Variants in LIFR observed in about 807,000 individuals in gnomAD.
LIFR encodes LIF receptor subunit alpha, also known as leukemia inhibitory factor receptor.
Under a neutral mutation model 122.2 loss-of-function variants are expected in LIFR, and 84 were observed. The observed-to-expected ratio is 0.69, with a 90% confidence interval of 0.58 to 0.82. LIFR has a LOEUF of 0.82. Ranked by LOEUF, LIFR falls within the 40% of genes least tolerant of loss-of-function variation. The pLI is 0.00. For synonymous variants in LIFR, 422 were observed against 434.7 expected (o/e 0.97, Z 0.36); for missense variants, 1,294 against 1,311.6 (o/e 0.99, Z 0.21).
At chr5:38,554,507 G>C (rs868212004) in intron 1 of LIFR, among the ~76,000 whole-genome samples, 5 of 152,118 alleles carry the variant, frequency 3.3e-5, no homozygotes, top group South Asian at 2.1e-4. Context: ...ATAAATTATG[G>C]TCCATCCCTA....
rs774759940 is a variant in LIFR at position 38,496,553 on chromosome 5, T to C, written c.1714A>G (p.Asn572Asp). ...NEANGKILSY[N>D]VSCSSDEETQ... ...TCCTCATCTGATGAACACGATACAT[T>C]GTAGGAAAGTATTTTTCCATTAGCT... Residue 572 changes from asparagine (N) to aspartate (D), a missense_variant, in exon 13 of 20, where the codon AAT (asparagine) becomes GAT (aspartate). Physicochemically the swap from Asn to Asp is conservative, Grantham distance 23. Transcript: ENST00000453190. 3.2e-5 allele frequency: 52 copies of C among 1,613,756 alleles called. No individual in the cohort carries two copies. Among genetic ancestry groups the C allele is most frequent in the Non-Finnish European group, 4.2e-5 (50 of 1,179,756 alleles).
chr5:38,605,305 G>C (rs1750306366), intron 2 of LIFR, among the ~76,000 whole-genome samples: 1 of 152,144 alleles, frequency 6.6e-6, no homozygotes, highest in Non-Finnish European at 1.5e-5. Context: ...ACCACATAGA[G>C]ACTAAGAGCA....
chr5:38,520,545 T>C (rs1277085326), intron 5 of LIFR, among the ~76,000 whole-genome samples: 2 of 152,194 alleles, frequency 1.3e-5, no homozygotes, highest in African/African-American at 4.8e-5. Context: ...CCTATAGTAT[T>C]TTCCCCATGT....
intron 16 of LIFR, 63 bp from the exon 17 acceptor site, chr5:38,486,043 A>C: frequency 6.8e-7 from 1 of 1,474,492 alleles, no homozygotes. Context: ...ATGGTTACCC[A>C]CACCTGTCTC....
chr5:38,534,588 C>A (rs1189652878), intron 1 of LIFR, among the ~76,000 whole-genome samples: 2 of 152,140 alleles, frequency 1.3e-5, no homozygotes, highest in Non-Finnish European at 2.9e-5. Flanking sequence ...TAACCCAGCA[C>A]AAGGAATCTG....
At chr5:38,605,698 A>T (rs3099116) in intron 2 of LIFR, among the ~76,000 whole-genome samples, 37,954 of 152,074 alleles carry the variant, frequency 0.25, 5,205 homozygotes, top group African/African-American at 0.35. Flanking sequence ...TGGACAAAGG[A>T]CAGACAGAAC....
chr5:38,526,083 T>C (rs2112554531), intron 4 of LIFR, among the ~76,000 whole-genome samples: 1 of 152,318 alleles, frequency 6.6e-6, no homozygotes, highest in Non-Finnish European at 1.5e-5. Flanking sequence ...ATAGGGAAGT[T>C]TCCCCTAAGC....
chr5:38,578,307 A>T (rs867422111), intron 1 of LIFR, among the ~76,000 whole-genome samples: 3 of 145,530 alleles, frequency 2.1e-5, no homozygotes, highest in Admixed American at 7.2e-5. Context: ...CCCGGTTTCA[A>T]GTGATTCCCC....
In LIFR at chr5:38,478,276, C is replaced by G. The variant is rs980376451; in HGVS notation, c.*3319G>C. On this transcript the variant is annotated 3_prime_UTR_variant, in exon 20 of 20. Transcript: ENST00000453190. ...CACAGTTTCTGAGAGTGTAATAGTA[C>G]TAAATGTTCTAAATGTAATCTTTCA... 9.7e-6 allele frequency: 2 copies of G among 205,604 alleles called. No individual in the cohort carries two copies. The highest frequency in any genetic ancestry group is 4.6e-5 in the African/African-American group (2 of 43,762). 12.7% of individuals were successfully genotyped at this position (205,604 alleles called of 1,614,324 possible).
intron 13 of LIFR, among the ~76,000 whole-genome samples, chr5:38,495,025 A>G (rs1013694257): frequency 3.3e-5 from 5 of 152,238 alleles, no homozygotes; most frequent in Admixed American, 3.3e-4. Flanking sequence ...AGAATAGAGA[A>G]CACTTCGGAC....
intron 1 of LIFR, among the ~76,000 whole-genome samples, chr5:38,566,265 A>G (rs1270681610): frequency 6.6e-6 from 1 of 152,254 alleles, no homozygotes; most frequent in Non-Finnish European, 1.5e-5. Flanking sequence ...CCTAAAAGAT[A>G]TAGGAAATAT....
chr5:38,548,993 C>T (rs1748047472), intron 1 of LIFR, among the ~76,000 whole-genome samples: 1 of 152,070 alleles, frequency 6.6e-6, no homozygotes, highest in South Asian at 2.1e-4. Context: ...CATGTGGGCA[C>T]CGTGAGCTGG....
chr5:38,490,101 A>T, intron 15 of LIFR, 89 bp downstream of exon 15: 1 of 493,718 alleles, frequency 2.0e-6, no homozygotes, highest in Non-Finnish European at 3.7e-6. Flanking sequence ...TATACATCTT[A>T]TTTTTAGAAT....
intron 1 of LIFR, among the ~76,000 whole-genome samples, chr5:38,574,065 G>A (rs1160056035): frequency 7.2e-5 from 11 of 152,158 alleles, no homozygotes; most frequent in African/African-American, 2.6e-4. Context: ...GCAGTGAGCC[G>A]AGATGGCACC....
rs1561135530 is a variant in LIFR, at chr5:38,489,092, C to T, written c.2321G>A (p.Arg774Lys). Residue 774 changes from arginine (R) to lysine (K), a missense_variant, in exon 16 of 20, where the codon AGG becomes AAG. By Grantham distance (26) the Arg-to-Lys change is conservative. Coordinates refer to ENST00000453190, the MANE Select transcript of LIFR (RefSeq NM_001127671.2). ...AATTTACTCACCTGATTCTAAAACC[C>T]TCATCTTAGATGTGTCTCTTTCTCC... Reference protein sequence around the residue: ...GKGERDTSKMRVLESGRSDIK... With the variant: ...GKGERDTSKMKVLESGRSDIK... 8 of 1,612,760 alleles carry T rather than the reference C, an allele frequency of 5.0e-6. No homozygotes were observed. Among genetic ancestry groups the T allele is most frequent in the Non-Finnish European group, 6.8e-6 (8 of 1,179,056 alleles).
chr5:38,602,421 CCT>C (rs1750238514), intron 2 of LIFR, among the ~76,000 whole-genome samples: 1 of 152,222 alleles, frequency 6.6e-6, no homozygotes, highest in African/African-American at 2.4e-5. Context: ...CTGGAATGCC[CCT>C]TCCCTTTATT....
At chr5:38,502,551 A>C (rs1238874819) in intron 11 of LIFR, 86 bp downstream of exon 11, 4 of 1,169,712 alleles carry the variant, frequency 3.4e-6, no homozygotes, top group Non-Finnish European at 5.1e-6. Flanking sequence ...GACCCACTGC[A>C]CCCGGCCAAC....
At chr5:38,519,440 G>C (rs543782884) in intron 5 of LIFR, among the ~76,000 whole-genome samples, 1 of 152,236 alleles carries the variant, frequency 6.6e-6, no homozygotes, top group Admixed American at 6.5e-5. Context: ...ATTATCTCAT[G>C]AGTATTATCA....
Position 38,503,984 on chromosome 5 carries a change from G to T in LIFR, c.1429C>A (p.Gln477Lys), listed in dbSNP as rs752611891. The change falls in exon 10 of 20, where the codon CAA becomes AAA. Residue 477 changes from glutamine to lysine, a missense_variant. Gln to Lys is a moderately conservative substitution (Grantham distance 53). Transcript: ENST00000453190. ...CTTTAAGAGAATCTTACCTGCTCTT[G>T]TACTGAATTAGATTTCTTAATTTCA... Reference protein sequence around the residue: ...EIEIKKSNSVQEQRNVTIKGV... With the variant: ...EIEIKKSNSVKEQRNVTIKGV... 1.3e-6 allele frequency: 2 copies of T among 1,570,736 alleles called. No homozygotes were observed. Among genetic ancestry groups the T allele is most frequent in the Non-Finnish European group, 1.8e-6 (2 of 1,141,186 alleles).
Sources: allele counts gnomAD v4.1 joint callset (sites outside exome capture counted in the v4.1 genomes callset), GRCh38; gene constraint gnomAD v4.1.1; transcripts MANE v1.5; gene names NCBI Gene and HGNC (gene_info 2026-07-23, HGNC 2026-07-21).